Variants in FGGY observed in about 807,000 individuals in gnomAD.
FGGY encodes the protein FGGY carbohydrate kinase domain containing.
In FGGY, 72 loss-of-function variants were observed where a neutral mutation model predicts 71.3. The observed-to-expected ratio is 1.01, with a 90% CI of 0.84 to 1.23. The LOEUF (loss-of-function observed/expected upper bound fraction) is 1.23, where lower values mean the gene tolerates loss of function less well. Ranked by LOEUF, FGGY falls within the 50% of genes most tolerant of loss-of-function variation. FGGY has a pLI of 0.00. For missense variants in FGGY, 668 were observed against 682.3 expected, an observed-to-expected ratio of 0.98 and a Z score of 0.23; for synonymous variants, 251 against 250.3, an observed-to-expected ratio of 1.00 and a Z score of -0.02.
At chr1:59,546,516 TGA>T (rs756094146) in intron 7 of FGGY, among the ~76,000 whole-genome samples, 5,588 of 147,526 alleles carry the variant, frequency 0.038, 169 homozygotes, top group African/African-American at 0.078. Context: ...ATGATGATGA[TGA>T]TGATGATGAT....
chr1:59,512,822 A>T (rs2094550637), intron 7 of FGGY, among the ~76,000 whole-genome samples: 1 of 152,192 alleles, frequency 6.6e-6, no homozygotes, highest in Admixed American at 6.5e-5. Flanking sequence ...TTAATAATAT[A>T]TTTGGCTTAT....
intron 5 of FGGY, among the ~76,000 whole-genome samples, chr1:59,381,771 A>G (rs2059490472): frequency 6.6e-6 from 1 of 152,068 alleles, no homozygotes; most frequent in South Asian, 2.1e-4. Context: ...ATGTAAATGT[A>G]CCTCAGTTAT....
chr1:59,608,621 T>G (rs972109316), intron 9 of FGGY, among the ~76,000 whole-genome samples: 3 of 152,028 alleles, frequency 2.0e-5, no homozygotes, highest in Admixed American at 6.6e-5. Flanking sequence ...CCACCTGAGG[T>G]CTGAAGCTCA....
intron 9 of FGGY, among the ~76,000 whole-genome samples, chr1:59,615,544 T>C (rs1272850196): frequency 4.6e-5 from 7 of 152,138 alleles, no homozygotes; most frequent in African/African-American, 9.7e-5. Context: ...ATAAAAACCC[T>C]AGAAGAAAAC....
intron 11 of FGGY, among the ~76,000 whole-genome samples, chr1:59,651,313 C>T (rs2153934024): frequency 6.6e-6 from 1 of 151,552 alleles, no homozygotes; most frequent in African/African-American, 2.4e-5. Context: ...TCCTTGTTGA[C>T]TTTCTGTCTC....
intron 11 of FGGY, chr1:59,641,339 A>C: frequency 1.9e-6 from 3 of 1,609,694 alleles, no homozygotes; most frequent in Non-Finnish European, 2.5e-6. Context: ...CCAGTTCTCT[A>C]CTCTCCCCTC....
intron 1 of FGGY, among the ~76,000 whole-genome samples, chr1:59,306,717 C>T (rs1299258791): frequency 6.6e-6 from 1 of 152,088 alleles, no homozygotes; most frequent in African/African-American, 2.4e-5. Flanking sequence ...GTCCCCAGGA[C>T]AGATAGCAGG....
intron 6 of FGGY, among the ~76,000 whole-genome samples, chr1:59,472,624 A>G (rs923442099): frequency 1.3e-5 from 2 of 152,234 alleles, no homozygotes; most frequent in Admixed American, 6.5e-5. Flanking sequence ...CTCTGTATCT[A>G]GGTCAAGGTT....
chr1:59,709,522 T>C, intron 14 of FGGY, among the ~76,000 whole-genome samples: 1 of 150,564 alleles, frequency 6.6e-6, no homozygotes, highest in East Asian at 1.9e-4. Context: ...CTTTCCAAAC[T>C]ATGAAATGCC....
chr1:59,480,869 C>G (rs1478282931), intron 6 of FGGY, among the ~76,000 whole-genome samples: 1 of 152,120 alleles, frequency 6.6e-6, no homozygotes, highest in East Asian at 1.9e-4. Context: ...TAAACTTCAT[C>G]CCGTGTGTTA....
At chr1:59,319,112 C>G (rs1480235067) in intron 1 of FGGY, among the ~76,000 whole-genome samples, 1 of 152,138 alleles carries the variant, frequency 6.6e-6, no homozygotes, top group Non-Finnish European at 1.5e-5. Flanking sequence ...GCAAGATGCA[C>G]CATTATTTAT....
intron 14 of FGGY, among the ~76,000 whole-genome samples, chr1:59,733,517 T>A (rs2098067688): frequency 6.6e-6 from 1 of 152,174 alleles, no homozygotes; most frequent in Non-Finnish European, 1.5e-5. Context: ...CAGGTGTAAA[T>A]GCCAGATCTT....
chr1:59,697,533 T>G (rs2154012263), intron 14 of FGGY: 6 of 499,248 alleles, frequency 1.2e-5, no homozygotes, highest in South Asian at 9.6e-5. Context: ...AGAATTTCCT[T>G]CCTTCTTGGT....
At chr1:59,587,612 G>A (rs1465443187) in intron 8 of FGGY, among the ~76,000 whole-genome samples, 4 of 152,298 alleles carry the variant, frequency 2.6e-5, no homozygotes, top group South Asian at 2.1e-4. Flanking sequence ...CCAGAGGAAC[G>A]ATCAGACAGC....
Position 59,304,135 on chromosome 1 carries a change from A to T in FGGY, c.-15+6985A>T, listed in dbSNP as rs144039513. ...TTTTATTGCTCATGCTTTTGATGTC[A>T]TATCCAAAAAATCATAGCCAAGACC... On this transcript the variant is annotated intron_variant, in intron 1 of 15. Coordinates refer to ENST00000303721, the MANE Select transcript of FGGY (RefSeq NM_018291.5). Among the ~76,000 whole-genome samples, 22 of 152,174 alleles carry T rather than the reference A, an allele frequency of 1.4e-4. No individual in the cohort carries two copies. In the East Asian group the frequency reaches 4.2e-3, roughly 29 times the overall value.
At chr1:59,480,145 C>G (rs1293330991) in intron 6 of FGGY, among the ~76,000 whole-genome samples, 1 of 152,174 alleles carries the variant, frequency 6.6e-6, no homozygotes, top group African/African-American at 2.4e-5. Context: ...ACACTGCAGC[C>G]AGCATGAACT....
At chr1:59,425,993 A>G (rs1182779316) in intron 5 of FGGY, among the ~76,000 whole-genome samples, 1 of 152,134 alleles carries the variant, frequency 6.6e-6, no homozygotes, top group African/African-American at 2.4e-5. Context: ...TCAAATACGA[A>G]AATTTAGGAA....
At chr1:59,751,414 C>T (rs905307410) in intron 14 of FGGY, among the ~76,000 whole-genome samples, 7 of 152,144 alleles carry the variant, frequency 4.6e-5, no homozygotes, top group Non-Finnish European at 7.4e-5. Flanking sequence ...TATGCATCCT[C>T]AGTACATGAA....
At chr1:59,584,046 C>A (rs1425019630) in intron 8 of FGGY, among the ~76,000 whole-genome samples, 5 of 149,540 alleles carry the variant, frequency 3.3e-5, no homozygotes, top group African/African-American at 7.6e-5. Context: ...AAAAAAAGTC[C>A]AGGACCGGAT....
Sources: allele counts gnomAD v4.1 joint callset (sites outside exome capture counted in the v4.1 genomes callset), GRCh38; gene constraint gnomAD v4.1.1; transcripts MANE v1.5; gene names NCBI Gene and HGNC (gene_info 2026-07-23, HGNC 2026-07-21).